PDE11A: variants seen among roughly 807,000 people sequenced by gnomAD.
The protein encoded by PDE11A is phosphodiesterase 11A.
PDE11A carries 100 observed loss-of-function variants against 100.5 expected under a neutral mutation model. That is an observed-to-expected ratio of 1.00 (90% CI 0.85 to 1.18). The LOEUF (loss-of-function observed/expected upper bound fraction) is 1.18. Ranked by LOEUF, PDE11A falls within the 50% of genes most tolerant of loss-of-function variation. The probability of loss-of-function intolerance (pLI) is 0.00; values close to 1 mark genes in which losing one functional copy is unlikely to be tolerated. For missense variants in PDE11A, 1,141 were observed against 1,152.6 expected (o/e 0.99, Z 0.15); for synonymous variants, 381 against 420.8 (o/e 0.91, Z 1.16).
At chr2:178,094,785 A>G (rs1183472619) in intron 2 of PDE11A, among the ~76,000 whole-genome samples, 1 of 152,190 alleles carries the variant, frequency 6.6e-6, no homozygotes, top group Non-Finnish European at 1.5e-5. Context: ...GAAACTTACC[A>G]TGATGGTGGA....
chr2:177,653,132 T>C (rs759251065), intron 19 of PDE11A, among the ~76,000 whole-genome samples: 40 of 152,210 alleles, frequency 2.6e-4, no homozygotes, highest in Non-Finnish European at 5.4e-4. Flanking sequence ...ATCTTTTCTC[T>C]GAGGCTGTTC....
chr2:178,059,013 G>A (rs990647860), intron 1 of PDE11A, among the ~76,000 whole-genome samples: 1 of 152,108 alleles, frequency 6.6e-6, no homozygotes, highest in Non-Finnish European at 1.5e-5. Context: ...ACCCACCCTT[G>A]AAGTTTAATG....
At chr2:177,774,355 T>C (rs2082350823) in intron 9 of PDE11A, among the ~76,000 whole-genome samples, 1 of 152,168 alleles carries the variant, frequency 6.6e-6, no homozygotes, top group Admixed American at 6.5e-5. Context: ...CCCCCACCTC[T>C]CCACTGGAAC....
chr2:177,940,044 G>A (rs1483299259), intron 2 of PDE11A, among the ~76,000 whole-genome samples: 2 of 152,014 alleles, frequency 1.3e-5, no homozygotes, highest in African/African-American at 4.8e-5. Context: ...TTAAATATTT[G>A]TGGATAAAGT....
chr2:177,628,237 C>G lies in PDE11A; in HGVS notation c.*1170G>C, dbSNP rs1040645948. ...GTTCAAGTCAATCCAGTCAATAATG[C>G]CAAAGCTAAGGATAGAAATCTATCT... On this transcript the variant is annotated 3_prime_UTR_variant, in exon 20 of 20. Transcript: ENST00000286063. 3 of 152,584 alleles carry G rather than the reference C, an allele frequency of 2.0e-5. No homozygotes were observed. The highest frequency in any genetic ancestry group is 7.2e-5 in the African/African-American group (3 of 41,426). 9.5% of individuals were successfully genotyped at this position (152,584 alleles called of 1,614,324 possible).
chr2:177,933,526 C>CA (rs1304716919), intron 2 of PDE11A, among the ~76,000 whole-genome samples: 1 of 151,904 alleles, frequency 6.6e-6, no homozygotes, highest in Non-Finnish European at 1.5e-5. Flanking sequence ...ACTAAAAATA[C>CA]AAAAATTAGC....
intron 5 of PDE11A, among the ~76,000 whole-genome samples, chr2:177,858,694 C>T (rs1281675794): frequency 6.6e-6 from 1 of 152,164 alleles, no homozygotes; most frequent in Non-Finnish European, 1.5e-5. Context: ...GTGGTGATTC[C>T]TCAGGGATCT....
intron 1 of PDE11A, among the ~76,000 whole-genome samples, chr2:178,021,230 G>C (rs904751760): frequency 1.1e-4 from 16 of 152,124 alleles, no homozygotes; most frequent in Non-Finnish European, 2.1e-4. Context: ...CCAAAGTGCT[G>C]GGATTACAGG....
intron 2 of PDE11A, chr2:177,997,973 G>A (rs780033624): frequency 1.7e-6 from 2 of 1,195,692 alleles, no homozygotes; most frequent in Non-Finnish European, 2.5e-6. Flanking sequence ...AGGTTAGGGA[G>A]AACCTGCTCA....
chr2:177,759,946 A>G (rs373852626), intron 10 of PDE11A, among the ~76,000 whole-genome samples: 2 of 152,230 alleles, frequency 1.3e-5, no homozygotes, highest in African/African-American at 4.8e-5. Context: ...TTTGACCCCC[A>G]AAATGTCAAA....
At chr2:177,927,073 C>T (rs2085135352) in intron 2 of PDE11A, 1 of 152,256 alleles carries the variant, frequency 6.6e-6, no homozygotes, top group African/African-American at 2.4e-5. Context: ...CCTTCACAAT[C>T]TGACTCCAAC....
At chr2:178,000,407 C>A (rs965014845) in intron 2 of PDE11A, among the ~76,000 whole-genome samples, 1 of 152,168 alleles carries the variant, frequency 6.6e-6, no homozygotes, top group African/African-American at 2.4e-5. Flanking sequence ...TCTAAGTAAG[C>A]TGCAGGGTAA....
At chr2:177,934,947 G>A (rs776175181) in intron 2 of PDE11A, among the ~76,000 whole-genome samples, 6 of 152,116 alleles carry the variant, frequency 3.9e-5, no homozygotes, top group Non-Finnish European at 8.8e-5. Context: ...AACAACAGAC[G>A]CTAGAGATTA....
At chr2:178,027,083 T>C (rs2086487899) in intron 1 of PDE11A, among the ~76,000 whole-genome samples, 1 of 152,190 alleles carries the variant, frequency 6.6e-6, no homozygotes, top group Non-Finnish European at 1.5e-5. Context: ...CTTTTATACA[T>C]TGCTAATGAG....
At chr2:177,934,308 T>C (rs2085246589) in intron 2 of PDE11A, among the ~76,000 whole-genome samples, 1 of 152,050 alleles carries the variant, frequency 6.6e-6, no homozygotes, top group African/African-American at 2.4e-5. Flanking sequence ...AATAACCCCA[T>C]TTAAAAATAG....
intron 10 of PDE11A, among the ~76,000 whole-genome samples, chr2:177,759,173 G>GCA (rs10541503): frequency 0.18 from 26,664 of 147,374 alleles, 2,429 homozygotes; most frequent in East Asian, 0.24. Flanking sequence ...TGGAGCACGT[G>GCA]CACACACACA....
At chr2:177,967,787 T>C (rs939856095) in intron 2 of PDE11A, among the ~76,000 whole-genome samples, 1 of 152,164 alleles carries the variant, frequency 6.6e-6, no homozygotes, top group Admixed American at 6.5e-5. Context: ...CTGGGCATTG[T>C]GCTAAGCGGT....
chr2:177,958,369 G>A (rs2085592403), intron 2 of PDE11A, among the ~76,000 whole-genome samples: 2 of 152,136 alleles, frequency 1.3e-5, no homozygotes, highest in South Asian at 4.1e-4. Context: ...GAAACTTCTT[G>A]CATTTTATCT....
chr2:178,106,720 G>C (rs1473477457), intron 1 of PDE11A, among the ~76,000 whole-genome samples: 1 of 152,080 alleles, frequency 6.6e-6, no homozygotes, highest in Non-Finnish European at 1.5e-5. Flanking sequence ...AGCACTTTGG[G>C]AGGCCGAGGT....
Sources: gnomAD v4.1 joint callset for allele counts (sites outside exome capture counted in the v4.1 genomes callset) on GRCh38, gnomAD v4.1.1 for gene constraint, MANE v1.5 for transcripts, NCBI Gene and HGNC (gene_info 2026-07-23, HGNC 2026-07-21) for gene names.